The following CEP63 variants were observed in gnomAD, a reference collection of about 807,000 sequenced individuals.
The protein encoded by CEP63 is centrosomal protein of 63 kDa.
In CEP63, 84 loss-of-function variants were observed where a neutral mutation model predicts 89.1. The observed-to-expected ratio is 0.94, with a 90% CI of 0.79 to 1.13. The LOEUF (loss-of-function observed/expected upper bound fraction) is 1.13, where lower values mean the gene tolerates loss of function less well. CEP63 is among the 50% of genes most tolerant of loss of function. The pLI is 0.00. For synonymous variants in CEP63, 267 were observed against 272.5 expected (o/e 0.98, Z 0.20); for missense variants, 838 against 813.3 (o/e 1.03, Z -0.37).
the CEP63 span, among the ~76,000 whole-genome samples, chr3:134,752,321 G>A: frequency 6.6e-6 from 1 of 152,158 alleles, no homozygotes; most frequent in East Asian, 1.9e-4. Flanking sequence ...CTTACCAGGT[G>A]TGGCCATTAC....
the CEP63 span, among the ~76,000 whole-genome samples, chr3:134,759,877 T>A: frequency 1.3e-5 from 2 of 152,220 alleles, no homozygotes; most frequent in African/African-American, 4.8e-5. Context: ...CAATAGCCTA[T>A]AAGATGTTTG....
At chr3:134,700,829 CTTACAG>C in the CEP63 span, among the ~76,000 whole-genome samples, 3 of 152,096 alleles carry the variant, frequency 2.0e-5, no homozygotes, top group Admixed American at 6.5e-5. Flanking sequence ...GCCTTCCATT[CTTACAG>C]TTACAGGTTT....
intron 12 of CEP63, among the ~76,000 whole-genome samples, chr3:134,555,715 TTC>T (rs1956010108): frequency 6.6e-6 from 1 of 151,680 alleles, no homozygotes; most frequent in Admixed American, 6.6e-5. Flanking sequence ...AATTTACAGA[TTC>T]AATGCCATCC....
intron 1 of CEP63, chr3:134,486,597 G>A (rs1201533859): frequency 2.2e-6 from 2 of 891,290 alleles, no homozygotes; most frequent in Non-Finnish European, 2.6e-6. Flanking sequence ...CTTCCCCGGC[G>A]GACCCACCTT....
the CEP63 span, among the ~76,000 whole-genome samples, chr3:134,670,670 G>C: frequency 6.6e-6 from 1 of 152,156 alleles, no homozygotes; most frequent in South Asian, 2.1e-4. Context: ...AGAGCTATTT[G>C]GCAACATCTG....
the CEP63 span, chr3:134,619,293 G>A: frequency 1.3e-6 from 2 of 1,567,896 alleles, no homozygotes; most frequent in Non-Finnish European, 1.8e-6. Flanking sequence ...GGATCATGAA[G>A]AGCTTGAGCC....
chr3:134,551,879 T>A, intron 11 of CEP63, 47 bp from the exon 12 acceptor site: 1 of 1,308,654 alleles, frequency 7.6e-7, no homozygotes, highest in Non-Finnish European at 1.1e-6. Context: ...GTAAGATGCA[T>A]GTGATTTACA....
intron 9 of CEP63, among the ~76,000 whole-genome samples, chr3:134,547,681 G>A (rs1019641848): frequency 7.2e-6 from 1 of 139,280 alleles, no homozygotes; most frequent in Non-Finnish European, 1.5e-5. Flanking sequence ...CACAATCTCA[G>A]CTCACTGCAA....
At chr3:134,504,163 G>A (rs1360097637) in intron 2 of CEP63, among the ~76,000 whole-genome samples, 1 of 146,556 alleles carries the variant, frequency 6.8e-6, no homozygotes, top group Non-Finnish European at 1.5e-5. Flanking sequence ...TCTCATTTGT[G>A]TTTCTCCTCC....
the CEP63 span, among the ~76,000 whole-genome samples, chr3:134,705,734 A>T: frequency 6.6e-6 from 1 of 152,194 alleles, no homozygotes; most frequent in Non-Finnish European, 1.5e-5. Flanking sequence ...TTGGGCCTGA[A>T]TGCCAGTGGG....
At chr3:134,583,860 C>T (rs1560080469) in intron 10 of CEP63, among the ~76,000 whole-genome samples, 3 of 152,096 alleles carry the variant, frequency 2.0e-5, no homozygotes, top group Admixed American at 2.0e-4. Flanking sequence ...TTTCGTTGAG[C>T]AGAGGTTTGT....
chr3:134,529,137 T>G (rs546359947), intron 3 of CEP63, among the ~76,000 whole-genome samples: 17 of 152,304 alleles, frequency 1.1e-4, no homozygotes, highest in African/African-American at 4.1e-4. Context: ...TTCACAAAAT[T>G]GGGATTTTAG....
At chr3:134,541,972 A>G (rs7430834) in intron 6 of CEP63, among the ~76,000 whole-genome samples, 1 of 152,142 alleles carries the variant, frequency 6.6e-6, no homozygotes, top group Non-Finnish European at 1.5e-5. Context: ...TCTAAAACTA[A>G]GGTCATTTCT....
At chr3:134,568,555 A>T (rs974914136), downstream of CEP63, among the ~76,000 whole-genome samples, 1 of 152,146 alleles carries the variant, frequency 6.6e-6, no homozygotes, top group African/African-American at 2.4e-5. Context: ...CCCCAGCAGT[A>T]GCCTGTTCAT....
At chr3:134,698,843 G>A in the CEP63 span, among the ~76,000 whole-genome samples, 1 of 152,186 alleles carries the variant, frequency 6.6e-6, no homozygotes, top group Non-Finnish European at 1.5e-5. Context: ...ACACACCACT[G>A]GGATGTATAC....
At chr3:134,701,444 A>ATATACACACATATATACG in the CEP63 span, among the ~76,000 whole-genome samples, 1 of 144,690 alleles carries the variant, frequency 6.9e-6, no homozygotes, top group African/African-American at 2.5e-5. Flanking sequence ...GTATATATAC[A>ATATACACACATATATACG]TATATATGTG....
At chr3:134,661,800 T>G in the CEP63 span, among the ~76,000 whole-genome samples, 1 of 122,520 alleles carries the variant, frequency 8.2e-6, no homozygotes. Flanking sequence ...ATGGGATGAA[T>G]ATTTGTGCCC....
chr3:134,761,522 C>T, the CEP63 span, among the ~76,000 whole-genome samples: 5 of 152,290 alleles, frequency 3.3e-5, no homozygotes, highest in South Asian at 1.0e-3. Context: ...GAAAGAAAAA[C>T]TCATTTTATC....
chr3:134,654,077 G>T, the CEP63 span, among the ~76,000 whole-genome samples: 1 of 152,204 alleles, frequency 6.6e-6, no homozygotes, highest in African/African-American at 2.4e-5. Context: ...AGTCAAAATA[G>T]TTGTATTGTC....
Sources: allele counts gnomAD v4.1 joint callset (sites outside exome capture counted in the v4.1 genomes callset), GRCh38; gene constraint gnomAD v4.1.1; transcripts MANE v1.5; gene names NCBI Gene and HGNC (gene_info 2026-07-23, HGNC 2026-07-21).